Variants in PLGRKT observed in about 807,000 individuals in gnomAD.
PLGRKT encodes the protein plasminogen receptor with a C-terminal lysine.
Under a neutral mutation model 18.5 loss-of-function variants are expected in PLGRKT, and 22 were observed. That is an observed-to-expected ratio of 1.19 (90% CI 0.85 to 1.70). The LOEUF is 1.70. PLGRKT is among the 40% of genes most tolerant of loss of function. PLGRKT has a pLI of 0.00. For missense variants in PLGRKT, 235 were observed against 174.4 expected (o/e 1.35, Z -1.96); for synonymous variants, 72 against 52.8 (o/e 1.36, Z -1.58).
chr9:5,411,149 C>T (rs1399456453), intron 3 of PLGRKT, among the ~76,000 whole-genome samples: 1 of 151,862 alleles, frequency 6.6e-6, no homozygotes, highest in Admixed American at 6.6e-5. Context: ...TTTGGGAGGC[C>T]GAGGCAGGTG....
chr9:5,390,603 G>C (rs992003767), intron 3 of PLGRKT, among the ~76,000 whole-genome samples: 7 of 151,814 alleles, frequency 4.6e-5, no homozygotes, highest in African/African-American at 1.5e-4. Context: ...TGGCTTTGGA[G>C]CCAGAGAGAC....
intron 3 of PLGRKT, among the ~76,000 whole-genome samples, chr9:5,383,773 G>A (rs1450087665): frequency 6.6e-6 from 1 of 152,144 alleles, no homozygotes; most frequent in Non-Finnish European, 1.5e-5. Flanking sequence ...GAGCTCAGGT[G>A]GTAATGCTCA....
intron 3 of PLGRKT, among the ~76,000 whole-genome samples, chr9:5,413,446 G>C (rs998071949): frequency 1.3e-5 from 2 of 152,136 alleles, no homozygotes; most frequent in African/African-American, 4.8e-5. Flanking sequence ...GAAAAGAAGA[G>C]TATCCTGTAT....
At chr9:5,386,683 T>A (rs571474282) in intron 3 of PLGRKT, among the ~76,000 whole-genome samples, 9 of 152,002 alleles carry the variant, frequency 5.9e-5, no homozygotes, top group Non-Finnish European at 8.8e-5. Context: ...CCTTCTGACA[T>A]CTGTTTCTGT....
chr9:5,433,920 G>T (rs987801901), intron 2 of PLGRKT, among the ~76,000 whole-genome samples: 8 of 142,698 alleles, frequency 5.6e-5, no homozygotes, highest in African/African-American at 2.1e-4. Flanking sequence ...TGCCCCATCT[G>T]GGAATTGAGG....
chr9:5,383,842 C>A (rs1269454196), intron 3 of PLGRKT, among the ~76,000 whole-genome samples: 1 of 152,186 alleles, frequency 6.6e-6, no homozygotes, highest in Non-Finnish European at 1.5e-5. Flanking sequence ...ATGACCAGTA[C>A]CAGTCCGTGG....
chr9:5,404,919 C>A (rs1215385542), intron 3 of PLGRKT, among the ~76,000 whole-genome samples: 2 of 152,168 alleles, frequency 1.3e-5, no homozygotes, highest in Admixed American at 1.3e-4. Context: ...TGATAAGCAA[C>A]TTCAGCAAAG....
chr9:5,433,616 G>C (rs1236220150), intron 2 of PLGRKT, among the ~76,000 whole-genome samples: 4 of 122,438 alleles, frequency 3.3e-5, no homozygotes, highest in Non-Finnish European at 5.1e-5. Context: ...AGCGCCCATC[G>C]TCTGGGATGT....
rs1189535589 is a variant in PLGRKT at position 5,403,181 on chromosome 9, T to C, written c.81+28716A>G. ...TTCACCAATACTAGGTGCTTTGTTA[T>C]ACAGCGAGTTGAGAGGTTGAGGTTG... On this transcript the variant is annotated intron_variant, in intron 3 of 5. Coordinates refer to ENST00000223864, the MANE Select transcript of PLGRKT (RefSeq NM_018465.4). 2.6e-5 allele frequency among the ~76,000 whole-genome samples: 4 copies of C among 151,728 alleles called. 1 individual carries two copies. The highest frequency in any genetic ancestry group is 7.3e-5 in the African/African-American group (3 of 41,120).
intron 3 of PLGRKT, among the ~76,000 whole-genome samples, chr9:5,403,456 C>T (rs911515711): frequency 2.0e-5 from 3 of 152,106 alleles, no homozygotes; most frequent in Non-Finnish European, 4.4e-5. Context: ...AACTCCTGAC[C>T]TCAGGTGATC....
At chr9:5,390,971 G>GT (rs2131109854) in intron 3 of PLGRKT, among the ~76,000 whole-genome samples, 2 of 151,980 alleles carry the variant, frequency 1.3e-5, no homozygotes. Context: ...GGGTTTTCTT[G>GT]TTTTTTGTTT....
rs551653292 is a variant in PLGRKT at position 5,357,981 on chromosome 9, T to C, written c.*258A>G. The C allele has an allele frequency of 8.5e-5, 23 of 271,700 alleles. No homozygotes were observed. The highest frequency in any genetic ancestry group is 1.5e-4 in the Non-Finnish European group (22 of 144,988). The allele number at this position is 271,700 out of a possible 1,614,324, so 16.8% of individuals were successfully genotyped here. The stretch of plus-strand genomic sequence containing the variant: ...CAGCTGGGCATTTGCTTCCAGGAAT[T>C]CAAAACAATTTATTAATTTTACACT... On this transcript the variant is annotated 3_prime_UTR_variant, in exon 6 of 6. Transcript: ENST00000223864.
chr9:5,392,433 A>T (rs1586721488), intron 3 of PLGRKT: 1 of 151,992 alleles, frequency 6.6e-6, no homozygotes, highest in Admixed American at 6.5e-5. Flanking sequence ...TGCAATTATA[A>T]TACAGTTATT....
chr9:5,383,970 C>T (rs750606829), intron 3 of PLGRKT, among the ~76,000 whole-genome samples: 16 of 152,152 alleles, frequency 1.1e-4, no homozygotes, highest in Non-Finnish European at 1.8e-4. Flanking sequence ...GCTGAATTTG[C>T]GGGGCCTGGG....
At chr9:5,426,753 A>G (rs1425140890) in intron 3 of PLGRKT, among the ~76,000 whole-genome samples, 1 of 152,186 alleles carries the variant, frequency 6.6e-6, no homozygotes, top group Non-Finnish European at 1.5e-5. Context: ...GTTTGCAGTA[A>G]GCAACCCTGA....
In PLGRKT at chr9:5,431,253, T is replaced by C. The variant is rs117770436; in HGVS notation, c.81+644A>G. Among the ~76,000 whole-genome samples, 376 of 152,258 alleles carry C rather than the reference T, an allele frequency of 2.5e-3. 15 individuals carry two copies. The East Asian group carries it at 0.058, about 24-fold the overall frequency. ...TTCCTTCTTTCTCTTATAAAGACCC[T>C]TGTGGGCCAGGCACACATACCTGTA... On this transcript the variant is annotated intron_variant, in intron 3 of 5. Coordinates refer to ENST00000223864, the MANE Select transcript of PLGRKT (RefSeq NM_018465.4).
Position 5,404,720 on chromosome 9 carries a change from G to A in PLGRKT, c.81+27177C>T, listed in dbSNP as rs558817466. Among the ~76,000 whole-genome samples the A allele has an allele frequency of 2.6e-5, 4 of 152,260 alleles. No homozygotes were observed. In the East Asian group the frequency reaches 7.7e-4, roughly 29 times the overall value. On this transcript the variant is annotated intron_variant, in intron 3 of 5. Coordinates refer to ENST00000223864, the MANE Select transcript of PLGRKT (RefSeq NM_018465.4). Reference sequence around the variant, plus strand: ...GCATTCCCCTTGAAAACCAGCACAAGACAAGGATGCCCTCTCTCACCACTC... The same window carrying A: ...GCATTCCCCTTGAAAACCAGCACAAAACAAGGATGCCCTCTCTCACCACTC...
chr9:5,368,298 A>C (rs1817439992), intron 3 of PLGRKT, among the ~76,000 whole-genome samples: 1 of 152,240 alleles, frequency 6.6e-6, no homozygotes, highest in Non-Finnish European at 1.5e-5. Context: ...TCATCGCAGC[A>C]CTATTCACAA....
intron 3 of PLGRKT, among the ~76,000 whole-genome samples, chr9:5,426,233 A>G (rs903804370): frequency 6.6e-6 from 1 of 152,150 alleles, no homozygotes; most frequent in Non-Finnish European, 1.5e-5. Flanking sequence ...GAATATTGTC[A>G]TAACAGAATT....
Sources: allele counts gnomAD v4.1 joint callset (sites outside exome capture counted in the v4.1 genomes callset), GRCh38; gene constraint gnomAD v4.1.1; transcripts MANE v1.5; gene names NCBI Gene and HGNC (gene_info 2026-07-23, HGNC 2026-07-21).